GYPC: variants seen among roughly 807,000 people sequenced by gnomAD.
The protein encoded by GYPC is glycophorin C (Gerbich blood group).
In GYPC, 14 loss-of-function variants were observed where a neutral mutation model predicts 12.6. That is an observed-to-expected ratio of 1.11 (90% CI 0.74 to 1.74). The LOEUF (loss-of-function observed/expected upper bound fraction) is 1.74, where lower values mean the gene tolerates loss of function less well. GYPC is among the 40% of genes most tolerant of loss of function. GYPC has a pLI of 0.00. For missense variants in GYPC, 225 were observed against 172.1 expected (o/e 1.31, Z -1.72); for synonymous variants, 78 against 62.1 (o/e 1.26, Z -1.20).
intron 1 of GYPC, among the ~76,000 whole-genome samples, chr2:126,678,064 A>T (rs948219314): frequency 2.0e-5 from 3 of 152,218 alleles, no homozygotes; most frequent in Middle Eastern, 3.4e-3. Context: ...TACTAAAAAT[A>T]CAAGAAAATT....
intron 3 of GYPC, among the ~76,000 whole-genome samples, chr2:126,695,509 G>A (rs1178674139): frequency 1.3e-5 from 2 of 152,182 alleles, no homozygotes; most frequent in Non-Finnish European, 2.9e-5. Context: ...AGTGTACACG[G>A]TTCAACTTAT....
chr2:126,691,832 C>A (rs1186846759), intron 2 of GYPC, among the ~76,000 whole-genome samples: 1 of 152,160 alleles, frequency 6.6e-6, no homozygotes, highest in African/African-American at 2.4e-5. Flanking sequence ...GACAAACTGT[C>A]CTAATAAATG....
chr2:126,667,548 C>T (rs918802145), intron 1 of GYPC, among the ~76,000 whole-genome samples: 4 of 152,080 alleles, frequency 2.6e-5, no homozygotes, highest in Non-Finnish European at 5.9e-5. Flanking sequence ...GGATTACAGG[C>T]ATGCACCACC....
intron 1 of GYPC, among the ~76,000 whole-genome samples, chr2:126,659,620 G>T (rs1334193271): frequency 6.6e-6 from 1 of 152,122 alleles, no homozygotes; most frequent in Non-Finnish European, 1.5e-5. Flanking sequence ...CCTGGCCTGA[G>T]GATGCTGGTA....
intron 1 of GYPC, among the ~76,000 whole-genome samples, chr2:126,675,205 T>A (rs1461203978): frequency 6.6e-6 from 1 of 152,120 alleles, no homozygotes; most frequent in Non-Finnish European, 1.5e-5. Context: ...TTTCCCAGAT[T>A]CCCTTCCCAT....
At chr2:126,686,190 T>C in intron 1 of GYPC, 2 of 985,220 alleles carry the variant, frequency 2.0e-6, no homozygotes, top group Non-Finnish European at 2.4e-6. Flanking sequence ...GGAGTGTGAC[T>C]TCCAGCCTCA....
intron 3 of GYPC, 117 bp from the exon 4 acceptor site, chr2:126,695,829 T>C: frequency 1.3e-6 from 1 of 795,642 alleles, no homozygotes; most frequent in East Asian, 2.4e-5. Context: ...TCAAGGAGCA[T>C]CTCTTTTGGT....
At chr2:126,693,391 C>T (rs1026636239) in intron 2 of GYPC, among the ~76,000 whole-genome samples, 2 of 152,120 alleles carry the variant, frequency 1.3e-5, no homozygotes, top group African/African-American at 4.8e-5. Flanking sequence ...ACTTCCCAGC[C>T]ACTAGAACTG....
At chr2:126,681,549 G>A (rs914431558) in intron 1 of GYPC, among the ~76,000 whole-genome samples, 4 of 151,384 alleles carry the variant, frequency 2.6e-5, no homozygotes, top group Non-Finnish European at 5.9e-5. Flanking sequence ...TAGTATACCA[G>A]AGTATTGAAG....
At chr2:126,668,458 T>C (rs6761722) in intron 1 of GYPC, among the ~76,000 whole-genome samples, 119,164 of 152,084 alleles carry the variant, frequency 0.78, 46,818 homozygotes, top group Admixed American at 0.8. Flanking sequence ...GGATCTCAGA[T>C]GATCCCTCCA....
chr2:126,682,693 G>T (rs941205671), intron 1 of GYPC, among the ~76,000 whole-genome samples: 1 of 152,182 alleles, frequency 6.6e-6, no homozygotes, highest in African/African-American at 2.4e-5. Flanking sequence ...CTGAAGCCAC[G>T]CCAACTGTTC....
intron 1 of GYPC, chr2:126,686,627 G>C (rs574172208): frequency 4.1e-6 from 4 of 982,678 alleles, no homozygotes; most frequent in African/African-American, 1.7e-5. Flanking sequence ...AAGCCTGAAC[G>C]TGTGGAGCTT....
intron 1 of GYPC, among the ~76,000 whole-genome samples, chr2:126,688,364 T>G (rs1200990559): frequency 1.3e-5 from 2 of 152,212 alleles, no homozygotes; most frequent in African/African-American, 4.8e-5. Flanking sequence ...TAGAAAAGTC[T>G]AGAACTCCAC....
chr2:126,683,061 T>C (rs1478975534), intron 1 of GYPC, among the ~76,000 whole-genome samples: 1 of 152,208 alleles, frequency 6.6e-6, no homozygotes, highest in Admixed American at 6.5e-5. Flanking sequence ...CTCATGCCTG[T>C]AATCCCAACA....
At chr2:126,691,876 C>A (rs940751120) in intron 2 of GYPC, among the ~76,000 whole-genome samples, 1 of 152,130 alleles carries the variant, frequency 6.6e-6, no homozygotes, top group Non-Finnish European at 1.5e-5. Flanking sequence ...GAGGGCAGTT[C>A]TGGGTATTTG....
intron 1 of GYPC, among the ~76,000 whole-genome samples, chr2:126,689,201 G>A (rs1230237696): frequency 6.6e-6 from 1 of 152,036 alleles, no homozygotes; most frequent in Non-Finnish European, 1.5e-5. Context: ...CCTCAGACAG[G>A]AGCCCTGGGA....
intron 1 of GYPC, among the ~76,000 whole-genome samples, chr2:126,684,828 G>C (rs926551596): frequency 5.3e-5 from 8 of 152,088 alleles, no homozygotes; most frequent in African/African-American, 1.7e-4. Flanking sequence ...AGTCTCCCTA[G>C]CACCTCGTCA....
intron 1 of GYPC, among the ~76,000 whole-genome samples, chr2:126,659,780 CTT>C (rs1203132482): frequency 1.1e-4 from 15 of 137,864 alleles, no homozygotes; most frequent in Admixed American, 1.5e-4. Flanking sequence ...TCTTTCTTTT[CTT>C]TTTTTTTTTT....
chr2:126,696,631 C>A lies in GYPC; in HGVS notation c.*489C>A. 1 of 237,968 alleles carries A rather than the reference C, an allele frequency of 4.2e-6. No individual in the cohort carries two copies. The highest frequency in any genetic ancestry group is 8.4e-6 in the Non-Finnish European group (1 of 119,116). 14.7% of individuals were successfully genotyped at this position (237,968 alleles called of 1,614,324 possible). Reference sequence around the variant, plus strand: ...GTACCTTTGTCTGCCATTGATCCAGCTCAGAACGATTGGAAATAAATTTGA... The same window carrying A: ...GTACCTTTGTCTGCCATTGATCCAGATCAGAACGATTGGAAATAAATTTGA... On this transcript the variant is annotated 3_prime_UTR_variant, in exon 4 of 4. Coordinates refer to ENST00000259254, the MANE Select transcript of GYPC (RefSeq NM_002101.5).
Sources: allele counts gnomAD v4.1 joint callset (sites outside exome capture counted in the v4.1 genomes callset), GRCh38; gene constraint gnomAD v4.1.1; transcripts MANE v1.5; gene names NCBI Gene and HGNC (gene_info 2026-07-23, HGNC 2026-07-21).